Variants in RICTOR observed in about 807,000 individuals in gnomAD.
The protein encoded by RICTOR is RPTOR independent companion of MTOR complex 2.
RICTOR carries 49 observed loss-of-function variants against 214.9 expected under a neutral mutation model. The observed-to-expected ratio is 0.23, with a 90% CI of 0.18 to 0.29. The LOEUF (loss-of-function observed/expected upper bound fraction) is 0.29, where lower values mean the gene tolerates loss of function less well. Ranked by LOEUF, RICTOR falls within the 10% of genes least tolerant of loss-of-function variation. RICTOR has a pLI of 1.00. For missense variants in RICTOR, 1,625 were observed against 2,047.0 expected (o/e 0.79, Z 3.98); for synonymous variants, 717 against 711.3 (o/e 1.01, Z -0.13).
chr5:38,997,226 T>C (rs971980055), intron 5 of RICTOR, among the ~76,000 whole-genome samples: 7 of 152,136 alleles, frequency 4.6e-5, no homozygotes, highest in Non-Finnish European at 8.8e-5. Context: ...AGACATTTTA[T>C]AAAAATTGTA....
chr5:39,009,106 G>A (rs957248174), intron 3 of RICTOR, among the ~76,000 whole-genome samples: 1 of 152,174 alleles, frequency 6.6e-6, no homozygotes, highest in Middle Eastern at 3.4e-3. Flanking sequence ...AAAATGAAAG[G>A]TTGTAAAATT....
At chr5:38,967,518 G>T in intron 12 of RICTOR, 91 bp from the exon 13 acceptor site, 1 of 986,032 alleles carries the variant, frequency 1.0e-6, no homozygotes, top group Non-Finnish European at 1.5e-6. Flanking sequence ...AGGCTATAAA[G>T]AACTTTAAAA....
intron 2 of RICTOR, among the ~76,000 whole-genome samples, chr5:39,040,035 C>G (rs931367819): frequency 2.0e-5 from 3 of 152,202 alleles, no homozygotes; most frequent in African/African-American, 7.2e-5. Flanking sequence ...TACTGCAGCA[C>G]TATTCGCAAC....
At chr5:39,042,172 T>C (rs1374698124) in intron 2 of RICTOR, among the ~76,000 whole-genome samples, 1 of 152,104 alleles carries the variant, frequency 6.6e-6, no homozygotes, top group Non-Finnish European at 1.5e-5. Context: ...CTATAAAGGC[T>C]GCCAGAATGT....
intron 2 of RICTOR, among the ~76,000 whole-genome samples, chr5:39,039,219 G>C (rs1329597487): frequency 1.3e-5 from 2 of 152,120 alleles, no homozygotes; most frequent in South Asian, 2.1e-4. Context: ...ATGGGGAAAG[G>C]ATTCCCTATT....
Position 38,982,055 on chromosome 5 carries a change from A to C in RICTOR, c.584-19T>G. ...TGAAGTGCTAAAAGAGAAAAACTTAACATATTATATTTGGGGTAATTATTA... is the reference window on the plus strand; with the variant it reads ...TGAAGTGCTAAAAGAGAAAAACTTACCATATTATATTTGGGGTAATTATTA... On this transcript the variant is annotated intron_variant, in intron 7 of 37. Coordinates refer to ENST00000357387, the MANE Select transcript of RICTOR (RefSeq NM_152756.5). The C allele has an allele frequency of 6.4e-7, 1 of 1,570,456 alleles. No individual in the cohort carries two copies. The highest frequency in any genetic ancestry group is 8.7e-7 in the Non-Finnish European group (1 of 1,146,074).
intron 3 of RICTOR, among the ~76,000 whole-genome samples, chr5:39,007,424 T>C (rs1401733458): frequency 6.6e-6 from 1 of 152,188 alleles, no homozygotes; most frequent in Non-Finnish European, 1.5e-5. Flanking sequence ...TCTTTAATTA[T>C]CTTTTTCAAA....
intron 2 of RICTOR, among the ~76,000 whole-genome samples, chr5:39,037,060 G>A (rs1343609345): frequency 1.3e-5 from 2 of 152,088 alleles, no homozygotes; most frequent in African/African-American, 4.8e-5. Flanking sequence ...TGACCATATA[G>A]TTGGAAGTAA....
At chr5:39,011,681 G>C (rs1457761025) in intron 3 of RICTOR, among the ~76,000 whole-genome samples, 1 of 152,192 alleles carries the variant, frequency 6.6e-6, no homozygotes, top group African/African-American at 2.4e-5. Context: ...TGGAGTCAAG[G>C]GAGATCATTT....
intron 2 of RICTOR, among the ~76,000 whole-genome samples, chr5:39,035,798 A>C (rs1201447308): frequency 6.6e-6 from 1 of 152,258 alleles, no homozygotes; most frequent in Non-Finnish European, 1.5e-5. Flanking sequence ...CAAAGCCTCC[A>C]AGAAATATGG....
At chr5:39,048,186 C>T (rs1037505528) in intron 2 of RICTOR, among the ~76,000 whole-genome samples, 2 of 152,132 alleles carry the variant, frequency 1.3e-5, no homozygotes, top group African/African-American at 4.8e-5. Context: ...TGAGCCCTTC[C>T]AGGCCTACTG....
intron 2 of RICTOR, among the ~76,000 whole-genome samples, chr5:39,053,686 A>T (rs575135825): frequency 0.043 from 6,475 of 151,528 alleles, 251 homozygotes; most frequent in African/African-American, 0.099. Flanking sequence ...AGGTCAGGAG[A>T]TCGAGACCAT....
intron 30 of RICTOR, among the ~76,000 whole-genome samples, chr5:38,951,960 A>T (rs1233979777): frequency 6.6e-6 from 1 of 151,986 alleles, no homozygotes; most frequent in Non-Finnish European, 1.5e-5. Context: ...ATGGCTTATT[A>T]CATAACTTTG....
rs756526992 is a variant in RICTOR, at chr5:38,975,554, G to A, written c.872C>T (p.Thr291Ile). 1.9e-6 allele frequency: 3 copies of A among 1,613,296 alleles called. No homozygotes were observed. The highest frequency in any genetic ancestry group is 1.7e-5 in the Admixed American group (1 of 59,972). The stretch of plus-strand genomic sequence containing the variant: ...TAACCTACCTGCCCATGATCGGAAT[G>A]TTGCTATGATTCCCATTTTACTGGC... ...FLASKMGIIA[T>I]FRSWAGIINL... The change falls in exon 10 of 38, where the codon ACA (threonine) becomes ATA (isoleucine). Residue 291 changes from threonine (T) to isoleucine (I), a missense_variant. Coordinates refer to ENST00000357387, the MANE Select transcript of RICTOR (RefSeq NM_152756.5).
Position 39,022,145 on chromosome 5 carries a change from T to C in RICTOR, c.98-1009A>G, listed in dbSNP as rs150961812. ...TTGCCCAACTATAGGCTAATGTAAG[T>C]GTTCTGAGAATGTTTAAGGTAGGCT... is the stretch of plus-strand genomic sequence containing the variant. On this transcript the variant is annotated intron_variant, in intron 2 of 37. Transcript: ENST00000357387. Among the ~76,000 whole-genome samples, 3 of 152,334 alleles carry C rather than the reference T, an allele frequency of 2.0e-5. No individual in the cohort carries two copies. The East Asian group carries it at 5.8e-4, about 29-fold the overall frequency.
chr5:39,061,525 G>A (rs569867607), intron 2 of RICTOR, among the ~76,000 whole-genome samples: 1 of 151,668 alleles, frequency 6.6e-6, no homozygotes, highest in African/African-American at 2.4e-5. Context: ...ATTCATATAT[G>A]CACATACCTT....
intron 2 of RICTOR, chr5:39,022,412 G>T: frequency 6.4e-6 from 1 of 155,428 alleles, no homozygotes; most frequent in South Asian, 1.8e-4. Flanking sequence ...TTGCAAATAC[G>T]GCTCTTGTCC....
chr5:38,958,812 G>A lies in RICTOR; in HGVS notation c.2198C>T (p.Thr733Ile). The A allele has an allele frequency of 6.3e-7, 1 of 1,593,618 alleles. No homozygotes were observed. The highest frequency in any genetic ancestry group is 1.7e-4 in the Middle Eastern group (1 of 5,932). Residue 733 changes from threonine to isoleucine, a missense_variant, in exon 23 of 38, where the codon ACA becomes ATA. Coordinates refer to ENST00000357387, the MANE Select transcript of RICTOR (RefSeq NM_152756.5). ...TCTCAATAATACCCTTAAATGTTTT[G>A]TTGCATAGAGTCTGCAGGCCTATAA... ...AATDACRLYA[T>I]KHLRVLLRAN... is the part of the protein sequence containing the mutation.
chr5:38,955,745 T>C, intron 25 of RICTOR, 41 bp from the exon 26 acceptor site: 1 of 1,068,668 alleles, frequency 9.4e-7, no homozygotes, highest in Non-Finnish European at 1.5e-6. Context: ...AGTATCACAA[T>C]GAGTCACTAA....
Sources: allele counts gnomAD v4.1 joint callset (sites outside exome capture counted in the v4.1 genomes callset), GRCh38; gene constraint gnomAD v4.1.1; transcripts MANE v1.5; gene names NCBI Gene and HGNC (gene_info 2026-07-23, HGNC 2026-07-21).